The following TUBGCP6 variants were observed in gnomAD, a reference collection of about 807,000 sequenced individuals.
The protein encoded by TUBGCP6 is gamma-tubulin complex component 6.
In TUBGCP6, 161 loss-of-function variants were observed where a neutral mutation model predicts 175.8. That is an observed-to-expected ratio of 0.92 (90% CI 0.81 to 1.04). The LOEUF is 1.04. TUBGCP6 is among the 50% of genes least tolerant of loss of function. TUBGCP6 has a pLI of 0.00. For missense variants in TUBGCP6, 2,572 were observed against 2,433.0 expected, an observed-to-expected ratio of 1.06 and a Z score of -1.20; for synonymous variants, 1,173 against 1,030.5, an observed-to-expected ratio of 1.14 and a Z score of -2.65.
At chr22:50,242,530 A>G (rs937999722) in intron 1 of TUBGCP6, among the ~76,000 whole-genome samples, 1 of 152,192 alleles carries the variant, frequency 6.6e-6, no homozygotes, top group Non-Finnish European at 1.5e-5. Context: ...ACACCAAGAC[A>G]TTTGCTGTAG....
At chr22:50,218,984 C>T in intron 20 of TUBGCP6, 84 bp downstream of exon 20, 1 of 1,592,384 alleles carries the variant, frequency 6.3e-7, no homozygotes, top group Non-Finnish European at 8.5e-7. Context: ...GCCAGAGCAG[C>T]AGGGGGCTGT....
At chr22:50,218,943 C>G in intron 20 of TUBGCP6, 46 bp from the exon 21 acceptor site, 8 of 1,589,620 alleles carry the variant, frequency 5.0e-6, no homozygotes, top group Non-Finnish European at 6.9e-6. Flanking sequence ...CAAGCACATG[C>G]CTGGCACTCG....
rs1412529262 is a variant in TUBGCP6 at position 50,244,957 on chromosome 22, T to C, written c.-498A>G. On this transcript the variant is annotated 5_prime_UTR_variant, in exon 1 of 25. Transcript: ENST00000248846. The stretch of plus-strand genomic sequence containing the variant: ...TGCACGTCCACCCGTTCTCCAGGCC[T>C]CACCCGTGGAAAGTGCCCACGGCTG... The C allele has an allele frequency of 4.5e-6, 1 of 222,584 alleles. No homozygotes were observed. 13.8% of individuals were successfully genotyped at this position (222,584 alleles called of 1,614,324 possible). A position where few individuals can be genotyped will look rare whatever the true frequency, so the allele number is the denominator to read the frequency against.
At chr22:50,222,631 C>G (rs780846606) in intron 13 of TUBGCP6, 39 bp from the exon 14 acceptor site, 6 of 1,599,628 alleles carry the variant, frequency 3.8e-6, no homozygotes, top group Middle Eastern at 2.2e-4. Context: ...CCACAAGAGT[C>G]ACCCCACCCC....
chr22:50,219,029 C>T (rs950159058), intron 20 of TUBGCP6, 39 bp downstream of exon 20: 11 of 1,608,756 alleles, frequency 6.8e-6, no homozygotes, highest in African/African-American at 2.7e-5. Context: ...CCCACGGCCT[C>T]CCCTCTACCA....
chr22:50,218,314 C>T lies in TUBGCP6; in HGVS notation c.5043G>A (p.Gln1681=). ...HEMQHFVKVI[Q]GYIANQILHV... is the part of the protein sequence containing the mutation. ...GCAGGATCTGGTTGGCGATGTAGCC[C>T]TGGATGACCTTCACGAAATGCTGCA... Residue 1681 remains glutamine (Q), a synonymous_variant, in exon 23 of 25, where the codon CAG becomes CAA. Transcript: ENST00000248846. 8 of 1,613,118 alleles carry T rather than the reference C, an allele frequency of 5.0e-6. No individual in the cohort carries two copies. The highest frequency in any genetic ancestry group is 5.9e-6 in the Non-Finnish European group (7 of 1,180,000).
At chr22:50,220,051 C>T (rs767058122) in intron 16 of TUBGCP6, 36 bp from the exon 17 acceptor site, 1 of 1,608,462 alleles carries the variant, frequency 6.2e-7, no homozygotes, top group East Asian at 2.2e-5. Flanking sequence ...GGCATCAGGG[C>T]CGAGTGCCTG....
At chr22:50,230,000 G>A (rs1005562629) in intron 3 of TUBGCP6, among the ~76,000 whole-genome samples, 1 of 152,138 alleles carries the variant, frequency 6.6e-6, no homozygotes, top group Non-Finnish European at 1.5e-5. Flanking sequence ...ACCAGAGAGT[G>A]GAGACCCCCA....
intron 7 of TUBGCP6, 126 bp downstream of exon 7, chr22:50,226,607 C>T (rs2064614526): frequency 2.2e-6 from 2 of 905,160 alleles, no homozygotes; most frequent in Non-Finnish European, 1.7e-6. Context: ...CCTGCCCAGT[C>T]CACCTATCCT....
chr22:50,218,577 C>G lies in TUBGCP6; in HGVS notation c.4865G>C (p.Ser1622Thr). 1 of 1,613,800 alleles carries G rather than the reference C, an allele frequency of 6.2e-7. No homozygotes were observed. The highest frequency in any genetic ancestry group is 1.1e-5 in the South Asian group (1 of 91,080). ...GAAGGAGAAGACGCCGCTGTACTTG[C>G]TCACGCAGCCCTCGGTGATGACAAT... ...LNIVITEGCV[S>T]KYSGVFSFLL... Residue 1622 changes from serine to threonine, a missense_variant, in exon 22 of 25, where the codon AGC (serine) becomes ACC (threonine). Ser to Thr is a moderately conservative substitution (Grantham distance 58). Transcript: ENST00000248846.
chr22:50,241,176 C>T (rs1569127423), intron 1 of TUBGCP6, among the ~76,000 whole-genome samples: 3 of 152,194 alleles, frequency 2.0e-5, no homozygotes, highest in Admixed American at 2.0e-4. Flanking sequence ...ACAATTGTAA[C>T]TTACGAGAAA....
chr22:50,243,692 T>C (rs760819123), intron 1 of TUBGCP6, 27 bp downstream of exon 1: 2 of 1,529,682 alleles, frequency 1.3e-6, no homozygotes, highest in African/African-American at 1.5e-5. Context: ...CCGAGAGAGA[T>C]GAAAGAGGAA....
rs371227038 is a variant in TUBGCP6 at position 50,240,375 on chromosome 22, C to T, written c.742-8G>A. On this transcript the variant is annotated splice_polypyrimidine_tract_variant and splice_region_variant and intron_variant, in intron 1 of 24. Transcript: ENST00000248846. Reference sequence around the variant, plus strand: ...ATCCACACTCGGTGGGACCTGGAGACACAGGGAAGGGCAAACCGCCACTTA... The same window carrying T: ...ATCCACACTCGGTGGGACCTGGAGATACAGGGAAGGGCAAACCGCCACTTA... The T allele has an allele frequency of 1.1e-5, 17 of 1,611,896 alleles. No individual in the cohort carries two copies. The African/African-American group carries it at 1.9e-4, about 18-fold the overall frequency.
intron 1 of TUBGCP6, among the ~76,000 whole-genome samples, chr22:50,241,736 C>T (rs5771263): frequency 6.6e-6 from 1 of 152,320 alleles, no homozygotes; most frequent in East Asian, 1.9e-4. Flanking sequence ...CGTGACCTTA[C>T]CTATCATTGG....
At chr22:50,224,044 T>A in intron 13 of TUBGCP6, 97 bp downstream of exon 13, 1 of 1,140,660 alleles carries the variant, frequency 8.8e-7, no homozygotes, top group South Asian at 1.3e-5. Context: ...GTTTGAAGGT[T>A]TTCAAAACAA....
chr22:50,219,534 G>A (rs1010722968), intron 18 of TUBGCP6, 78 bp from the exon 19 acceptor site: 185 of 1,585,320 alleles, frequency 1.2e-4, no homozygotes, highest in Non-Finnish European at 1.4e-4. Context: ...GATGGAGCAC[G>A]TGCTGGGAAC....
intron 16 of TUBGCP6, 33 bp from the exon 17 acceptor site, chr22:50,220,048 G>A: frequency 6.2e-7 from 1 of 1,609,266 alleles, no homozygotes; most frequent in Non-Finnish European, 8.5e-7. Flanking sequence ...GAGGGCATCA[G>A]GGCCGAGTGC....
chr22:50,231,894 C>G (rs576723542), intron 3 of TUBGCP6, among the ~76,000 whole-genome samples: 3 of 147,064 alleles, frequency 2.0e-5, no homozygotes, highest in African/African-American at 2.5e-5. Flanking sequence ...ACTATGAAAA[C>G]AAGAGAAAAA....
chr22:50,229,545 G>C lies in TUBGCP6; in HGVS notation c.1149C>G (p.Val383=). The change falls in exon 4 of 25, where the codon GTC becomes GTG. Residue 383 remains valine, a synonymous_variant. Transcript: ENST00000248846. ...PAQAFVVKRG[V]HVSGASPESI... Reference sequence around the variant, plus strand: ...TCTCGGGAGACGCTCCTGACACGTGGACGCCCCGCTTCACCACAAAGGCCT... The same window carrying C: ...TCTCGGGAGACGCTCCTGACACGTGCACGCCCCGCTTCACCACAAAGGCCT... The C allele has an allele frequency of 6.2e-7, 1 of 1,600,842 alleles. No individual in the cohort carries two copies. The highest frequency in any genetic ancestry group is 8.5e-7 in the Non-Finnish European group (1 of 1,174,400).
Sources: gnomAD v4.1 joint callset for allele counts (sites outside exome capture counted in the v4.1 genomes callset) on GRCh38, gnomAD v4.1.1 for gene constraint, MANE v1.5 for transcripts, NCBI Gene and HGNC (gene_info 2026-07-23, HGNC 2026-07-21) for gene names.